Variants in BACH2 observed in about 807,000 individuals in gnomAD.
The protein encoded by BACH2 is BACH transcriptional regulator 2.
In BACH2, 5 loss-of-function variants were observed where a neutral mutation model predicts 61.8. That is an observed-to-expected ratio of 0.08 (90% CI 0.04 to 0.17). BACH2 has a LOEUF of 0.17. Among genes scored for constraint, BACH2 ranks in the 10% least tolerant of loss-of-function variants. BACH2 has a pLI of 1.00. For missense variants in BACH2, 824 were observed against 1,091.1 expected, an observed-to-expected ratio of 0.76 and a Z score of 3.45; for synonymous variants, 446 against 440.1, an observed-to-expected ratio of 1.01 and a Z score of -0.17.
At chr6:90,151,537 C>T (rs902517352) in intron 4 of BACH2, among the ~76,000 whole-genome samples, 5 of 152,218 alleles carry the variant, frequency 3.3e-5, no homozygotes, top group Non-Finnish European at 5.9e-5. Context: ...ACGATGTTCC[C>T]ACCTTGGTCT....
At chr6:90,271,376 AAAAAAAG>A (rs1414620383) in intron 2 of BACH2, among the ~76,000 whole-genome samples, 31 of 150,376 alleles carry the variant, frequency 2.1e-4, no homozygotes, top group Non-Finnish European at 2.8e-4. Context: ...TAAAAAAAAA[AAAAAAAG>A]AAAAAAGAAA....
intron 6 of BACH2, among the ~76,000 whole-genome samples, chr6:89,963,443 AC>A: frequency 6.6e-6 from 1 of 152,162 alleles, no homozygotes; most frequent in South Asian, 2.1e-4. Flanking sequence ...GGAGGCACAT[AC>A]CGTCATGCCC....
At chr6:90,079,307 T>C (rs1207015190) in intron 5 of BACH2, among the ~76,000 whole-genome samples, 1 of 152,130 alleles carries the variant, frequency 6.6e-6, no homozygotes, top group Non-Finnish European at 1.5e-5. Context: ...CACAAAAAGT[T>C]TTCCAATCTC....
At chr6:90,159,478 TACA>T (rs1236419536) in intron 4 of BACH2, among the ~76,000 whole-genome samples, 1 of 152,246 alleles carries the variant, frequency 6.6e-6, no homozygotes, top group East Asian at 1.9e-4. Context: ...CCTCATAGAC[TACA>T]CAAATCCCTT....
Position 90,008,874 on chromosome 6 carries a change from A to T in BACH2, c.-12-18T>A. The T allele has an allele frequency of 1.2e-6, 2 of 1,607,954 alleles. No homozygotes were observed. The highest frequency in any genetic ancestry group is 8.5e-7 in the Non-Finnish European group (1 of 1,175,930). ...TTCACACCCTGAAAGAAAGAAAGAA[A>T]CAAAGAAAGAAAGAAAGAAAGGCTG... On this transcript the variant is annotated intron_variant, in intron 5 of 8. Transcript: ENST00000257749. This position sits in a 1 kb window ranked among gnomAD's most constrained non-coding sequence, Gnocchi z 4.1.
At chr6:90,073,944 G>A (rs530897667) in intron 5 of BACH2, among the ~76,000 whole-genome samples, 1 of 152,280 alleles carries the variant, frequency 6.6e-6, no homozygotes, top group South Asian at 2.1e-4. Flanking sequence ...AGAAAAAAGG[G>A]ACTTGACAAA....
chr6:90,229,000 G>C (rs905980443), intron 3 of BACH2, among the ~76,000 whole-genome samples: 15 of 152,214 alleles, frequency 9.9e-5, no homozygotes, highest in African/African-American at 3.4e-4. Context: ...CACTGTCAGA[G>C]AGTTAAAAAG....
At chr6:90,029,846 T>C (rs1453274586) in intron 5 of BACH2, among the ~76,000 whole-genome samples, 4 of 152,052 alleles carry the variant, frequency 2.6e-5, no homozygotes, top group African/African-American at 9.7e-5. Flanking sequence ...CTTACTCCAT[T>C]CTAAGCAATG....
chr6:90,254,340 A>G (rs1452468746), intron 2 of BACH2, among the ~76,000 whole-genome samples: 1 of 152,062 alleles, frequency 6.6e-6, no homozygotes, highest in African/African-American at 2.4e-5. Context: ...TTACTTAAAA[A>G]TATTAAATAA....
At chr6:90,161,666 A>T (rs1785196590) in intron 4 of BACH2, among the ~76,000 whole-genome samples, 1 of 152,224 alleles carries the variant, frequency 6.6e-6, no homozygotes, top group African/African-American at 2.4e-5. Context: ...ATACAGGCCT[A>T]GTACCATCAG....
intron 6 of BACH2, among the ~76,000 whole-genome samples, chr6:89,979,625 A>G (rs965189209): frequency 1.3e-5 from 2 of 152,176 alleles, no homozygotes; most frequent in Non-Finnish European, 2.9e-5. Flanking sequence ...GTACCTTCAT[A>G]GCCCTTCACT....
At chr6:90,122,571 T>C (rs1029636812) in intron 4 of BACH2, among the ~76,000 whole-genome samples, 2 of 152,202 alleles carry the variant, frequency 1.3e-5, no homozygotes, top group African/African-American at 4.8e-5. Context: ...CAATCAATAA[T>C]AGACTTACTA....
At chr6:90,046,921 ATTTC>A (rs71556551) in intron 5 of BACH2, among the ~76,000 whole-genome samples, 14 of 150,378 alleles carry the variant, frequency 9.3e-5, no homozygotes, top group African/African-American at 2.4e-4. Context: ...TGCCCATGTA[ATTTC>A]TTTCTTTCTT....
At position 90,102,839 on chromosome 6, in the gene BACH2, T is replaced by TAATAATAATAAA. The variant is rs751278080; in HGVS notation, c.-161-13731_-161-13730insTTTATTATTATT. Among the ~76,000 whole-genome samples the TAATAATAATAAA allele has an allele frequency of 4.0e-3, 484 of 122,200 alleles. 5 individuals are homozygous for TAATAATAATAAA. The highest frequency in any genetic ancestry group is 8.0e-3 in the South Asian group (27 of 3,362). The allele number at this position is 122,200 out of a possible 152,430, so 80.2% of individuals were successfully genotyped here. ...ATAATAATAATAATAATAATAATAA[T>TAATAATAATAAA]AAAAATAAAAGGACCTTCCATTCAG... On this transcript the variant is annotated intron_variant, in intron 4 of 8. Transcript: ENST00000257749.
At chr6:90,283,768 G>A (rs1771933142) in intron 1 of BACH2, among the ~76,000 whole-genome samples, 1 of 152,050 alleles carries the variant, frequency 6.6e-6, no homozygotes, top group South Asian at 2.1e-4. Flanking sequence ...AGCACTTAGG[G>A]AGGCTGAGGC....
chr6:89,932,244 A>G lies in BACH2; in HGVS notation c.*164T>C, dbSNP rs1253167457. On this transcript the variant is annotated 3_prime_UTR_variant, in exon 9 of 9. Coordinates refer to ENST00000257749, the MANE Select transcript of BACH2 (RefSeq NM_021813.4). ...TGAAGGTAACTATCACTCCTGCTCG[A>G]GAAGAGGAGAGGATACTTCGGAACA... 3 of 936,776 alleles carry G rather than the reference A, an allele frequency of 3.2e-6. No individual in the cohort carries two copies. Among genetic ancestry groups the G allele is most frequent in the Non-Finnish European group, 4.8e-6 (3 of 624,482 alleles). The allele number at this position is 936,776 out of a possible 1,614,324, so 58.0% of individuals were successfully genotyped here. A position where few individuals can be genotyped will look rare whatever the true frequency, so the allele number is the denominator to read the frequency against.
chr6:89,974,543 G>A (rs142477237), intron 6 of BACH2, among the ~76,000 whole-genome samples: 7 of 152,318 alleles, frequency 4.6e-5, no homozygotes, highest in African/African-American at 1.7e-4. Context: ...ACGCCCTGAT[G>A]TCCTCACACG....
At chr6:89,983,280 T>C (rs546039828) in intron 6 of BACH2, among the ~76,000 whole-genome samples, 17 of 152,378 alleles carry the variant, frequency 1.1e-4, no homozygotes, top group African/African-American at 1.7e-4. Context: ...GTACCTACTA[T>C]GTGCTCAGCT....
At chr6:90,031,401 A>T (rs1235636649) in intron 5 of BACH2, among the ~76,000 whole-genome samples, 1 of 152,194 alleles carries the variant, frequency 6.6e-6, no homozygotes, top group Non-Finnish European at 1.5e-5. Flanking sequence ...TTAGGAAAAG[A>T]GGAAGTCAAA....
Sources: gnomAD v4.1 joint callset for allele counts (sites outside exome capture counted in the v4.1 genomes callset) on GRCh38, gnomAD v4.1.1 for gene constraint, Gnocchi (gnomAD v3.1) non-coding constraint, MANE v1.5 for transcripts, NCBI Gene and HGNC (gene_info 2026-07-23, HGNC 2026-07-21) for gene names.